ZNF608: variants seen among roughly 807,000 people sequenced by gnomAD.
The protein encoded by ZNF608 is renal carcinoma antigen NY-REN-36.
ZNF608 carries 12 observed loss-of-function variants against 109.0 expected under a neutral mutation model. That is an observed-to-expected ratio of 0.11 (90% CI 0.07 to 0.18). The LOEUF is 0.18. Among genes scored for constraint, ZNF608 ranks in the 10% least tolerant of loss-of-function variants. The pLI, the probability that ZNF608 is intolerant of heterozygous loss-of-function variation, is 1.00. For missense variants in ZNF608, 1,707 were observed against 1,879.3 expected, an observed-to-expected ratio of 0.91 and a Z score of 1.70; for synonymous variants, 732 against 717.4, an observed-to-expected ratio of 1.02 and a Z score of -0.33.
At position 124,744,366 on chromosome 5, in the gene ZNF608, C is replaced by T. The variant is rs1749551548; in HGVS notation, c.624G>A (p.Gly208=). 3 of 1,614,122 alleles carry T rather than the reference C, an allele frequency of 1.9e-6. No individual in the cohort carries two copies. The highest frequency in any genetic ancestry group is 2.7e-5 in the African/African-American group (2 of 74,944). The change falls in exon 2 of 10, where the codon GGG becomes GGA. Residue 208 remains glycine (G), a synonymous_variant. Transcript: ENST00000513986. The surrounding 1 kb of genome is among the most constrained non-coding windows in gnomAD (Gnocchi z 4.5). ...GGTCGTGCTTGTCCTTCCTGGATTT[C>T]CCCGCATCCTTATCCCGCTTGGCGC... ...SRGAKRDKDA[G]KSRKDKHDLL...
intron 3 of ZNF608, among the ~76,000 whole-genome samples, chr5:124,697,676 T>G (rs1752906436): frequency 6.6e-6 from 1 of 152,182 alleles, no homozygotes; most frequent in African/African-American, 2.4e-5. Flanking sequence ...CAACCAGTAC[T>G]TCATGTACTG....
intron 3 of ZNF608, among the ~76,000 whole-genome samples, chr5:124,668,374 A>G (rs1250502817): frequency 1.3e-5 from 2 of 151,406 alleles, no homozygotes; most frequent in Non-Finnish European, 2.9e-5. Context: ...CCCTGTCTCA[A>G]AACAAAACAA....
intron 3 of ZNF608, 54 bp from the exon 4 acceptor site, chr5:124,649,751 T>C: frequency 9.0e-7 from 1 of 1,111,064 alleles, no homozygotes; most frequent in Non-Finnish European, 1.3e-6. Context: ...TTACTGTTAT[T>C]TCCAGTTCAC....
intron 2 of ZNF608, among the ~76,000 whole-genome samples, chr5:124,724,609 CGTGTGTGT>C (rs113446719): frequency 2.1e-4 from 31 of 146,972 alleles, no homozygotes; most frequent in African/African-American, 7.2e-4. Context: ...TTCAACAGCA[CGTGTGTGT>C]GTGTGTGTGT....
intron 1 of ZNF608, 151 bp downstream of exon 1, chr5:124,746,044 G>C: frequency 1.3e-6 from 1 of 773,450 alleles, no homozygotes; most frequent in South Asian, 5.8e-5. Flanking sequence ...CTGCGCCAAG[G>C]TGGCCTCAAT....
chr5:124,665,103 G>A (rs780221986), intron 3 of ZNF608, among the ~76,000 whole-genome samples: 1 of 151,904 alleles, frequency 6.6e-6, no homozygotes, highest in Non-Finnish European at 1.5e-5. Flanking sequence ...TTAAACCCAG[G>A]AGGCGGAGGT....
intron 3 of ZNF608, among the ~76,000 whole-genome samples, chr5:124,672,153 A>T (rs1751756549): frequency 6.6e-6 from 1 of 152,236 alleles, no homozygotes; most frequent in South Asian, 2.1e-4. Flanking sequence ...ACTCTCTCTC[A>T]GCCAAATATA....
chr5:124,685,808 GT>G (rs1752390381), intron 3 of ZNF608, among the ~76,000 whole-genome samples: 1 of 152,108 alleles, frequency 6.6e-6, no homozygotes, highest in African/African-American at 2.4e-5. Context: ...ACAGACCTCT[GT>G]GCTGTTAATT....
chr5:124,692,518 G>A (rs1034477963), intron 3 of ZNF608, among the ~76,000 whole-genome samples: 1 of 152,206 alleles, frequency 6.6e-6, no homozygotes, highest in African/African-American at 2.4e-5. Context: ...GCCAAAATCA[G>A]ATGCTAGAAT....
At chr5:124,712,060 T>C (rs1753514018) in intron 2 of ZNF608, among the ~76,000 whole-genome samples, 1 of 151,934 alleles carries the variant, frequency 6.6e-6, no homozygotes, top group African/African-American at 2.4e-5. Flanking sequence ...GGCAGGAGAA[T>C]CACTTGAACC....
At chr5:124,691,091 C>A (rs544969237) in intron 3 of ZNF608, among the ~76,000 whole-genome samples, 3 of 151,988 alleles carry the variant, frequency 2.0e-5, no homozygotes, top group Non-Finnish European at 4.4e-5. Flanking sequence ...AGTTCAACAC[C>A]AACCCGCACA....
intron 2 of ZNF608, among the ~76,000 whole-genome samples, chr5:124,721,009 C>G (rs756483215): frequency 6.6e-6 from 1 of 152,124 alleles, no homozygotes; most frequent in Non-Finnish European, 1.5e-5. Flanking sequence ...AAGAAATCAT[C>G]AGACAAAAAT....
rs952374084 is a variant in ZNF608, at chr5:124,637,716, T to C, written c.*184A>G. 1 of 419,052 alleles carries C rather than the reference T, an allele frequency of 2.4e-6. No individual in the cohort carries two copies. The highest frequency in any genetic ancestry group is 4.3e-6 in the Non-Finnish European group (1 of 233,462). 26.0% of individuals were successfully genotyped at this position (419,052 alleles called of 1,614,324 possible). A position where few individuals can be genotyped will look rare whatever the true frequency, so the allele number is the denominator to read the frequency against. Reference sequence around the variant, plus strand: ...ACAGATATGTATACGTATATATATATAAAACAGAAGTTTAATTACAGCAAC... The same window carrying C: ...ACAGATATGTATACGTATATATATACAAAACAGAAGTTTAATTACAGCAAC... On this transcript the variant is annotated 3_prime_UTR_variant, in exon 10 of 10. Transcript: ENST00000513986.
intron 3 of ZNF608, among the ~76,000 whole-genome samples, chr5:124,651,794 A>G (rs866859302): frequency 6.6e-6 from 1 of 152,230 alleles, no homozygotes; most frequent in African/African-American, 2.4e-5. Context: ...GGCCGCCCGG[A>G]GCACAGAGGC....
At chr5:124,657,968 C>T (rs1430166879) in intron 3 of ZNF608, among the ~76,000 whole-genome samples, 1 of 152,062 alleles carries the variant, frequency 6.6e-6, no homozygotes, top group Non-Finnish European at 1.5e-5. Context: ...GCAACATTGC[C>T]CTTGATGACT....
intron 2 of ZNF608, among the ~76,000 whole-genome samples, chr5:124,704,822 C>T (rs944019081): frequency 2.0e-5 from 3 of 151,870 alleles, no homozygotes; most frequent in Admixed American, 6.6e-5. Context: ...CCTACTCAGT[C>T]GAGAGAAAAC....
At chr5:124,659,776 A>G (rs536842402) in intron 3 of ZNF608, among the ~76,000 whole-genome samples, 1 of 152,210 alleles carries the variant, frequency 6.6e-6, no homozygotes, top group African/African-American at 2.4e-5. Context: ...TACCATCCCC[A>G]GTCCTTGAGC....
chr5:124,647,956 C>T lies in ZNF608; in HGVS notation c.2428G>A (p.Asp810Asn). The change falls in exon 5 of 10, where the codon GAC (aspartate) becomes AAC (asparagine). Residue 810 changes from aspartate (D) to asparagine (N), a missense_variant. Physicochemically the swap from Asp to Asn is conservative, Grantham distance 23. Around this residue, in one of 7 missense-constraint regions of ZNF608, gnomAD observed 1,073 missense variants for 1,133.5 expected, o/e 0.95. Transcript: ENST00000513986. ...TVNPALVSLK[D>N]KKKKEKRKLK... The stretch of plus-strand genomic sequence containing the variant: ...TTTCGCTTCTCCTTTTTCTTTTTGT[C>T]TTTGAGTGACACCAGAGCTGGGTTC... 6.2e-7 allele frequency: 1 copy of T among 1,614,040 alleles called. No individual in the cohort carries two copies. Among genetic ancestry groups the T allele is most frequent in the East Asian group, 2.2e-5 (1 of 44,876 alleles).
chr5:124,684,346 G>A (rs757360572), intron 3 of ZNF608, among the ~76,000 whole-genome samples: 2 of 152,038 alleles, frequency 1.3e-5, no homozygotes, highest in Non-Finnish European at 2.9e-5. Flanking sequence ...CCCCTTCACT[G>A]TACACATGAG....
Sources: allele counts gnomAD v4.1 joint callset (sites outside exome capture counted in the v4.1 genomes callset), GRCh38; gene constraint gnomAD v4.1.1; regional missense constraint gnomAD v4.1.1; non-coding constraint Gnocchi (gnomAD v3.1); transcripts MANE v1.5; gene names NCBI Gene and HGNC (gene_info 2026-07-23, HGNC 2026-07-21).